The following NELL2 variants were observed in gnomAD, a reference collection of about 807,000 sequenced individuals.
NELL2 encodes protein kinase C-binding protein NELL2.
A neutral mutation model predicts 109.6 loss-of-function variants in NELL2; 41 were observed. The ratio of observed to expected loss-of-function variants is 0.37; its 90% confidence interval spans 0.29 to 0.49. The LOEUF is 0.49. Ranked by LOEUF, NELL2 falls within the 20% of genes least tolerant of loss-of-function variation. The pLI is 0.98. For synonymous variants in NELL2, 355 were observed against 344.7 expected, an observed-to-expected ratio of 1.03 and a Z score of -0.33; for missense variants, 900 against 1,008.3, an observed-to-expected ratio of 0.89 and a Z score of 1.45.
At chr12:44,804,513 T>C (rs185217884) in intron 3 of NELL2, among the ~76,000 whole-genome samples, 2,058 of 151,944 alleles carry the variant, frequency 0.014, 46 homozygotes, top group African/African-American at 0.047. Flanking sequence ...GGTAGACACT[T>C]AATCGTAACT....
intron 1 of NELL2, among the ~76,000 whole-genome samples, chr12:44,904,063 A>T (rs979759180): frequency 4.6e-5 from 7 of 151,964 alleles, no homozygotes; most frequent in South Asian, 2.1e-4. Context: ...ATTAAATTTT[A>T]AAAAAACTTA....
At position 44,727,243 on chromosome 12, in the gene NELL2, G is replaced by A. The variant is rs558002736; in HGVS notation, c.995-12502C>T. Reference sequence around the variant, plus strand: ...ACAAACTAAATCAAAATCTCTAGGAGAGGGACCTAGGAAATCAGTATCTTT... The same window carrying A: ...ACAAACTAAATCAAAATCTCTAGGAAAGGGACCTAGGAAATCAGTATCTTT... On this transcript the variant is annotated intron_variant, in intron 9 of 19. Coordinates refer to ENST00000429094, the MANE Select transcript of NELL2 (RefSeq NM_001145108.2). 7.2e-5 allele frequency among the ~76,000 whole-genome samples: 11 copies of A among 152,196 alleles called. No homozygotes were observed. The South Asian group carries it at 1.7e-3, about 23-fold the overall frequency.
intron 15 of NELL2, among the ~76,000 whole-genome samples, chr12:44,562,966 C>T (rs1340616726): frequency 6.6e-6 from 1 of 152,170 alleles, no homozygotes; most frequent in Non-Finnish European, 1.5e-5. Flanking sequence ...CACATATATA[C>T]CACTGAATAC....
intron 1 of NELL2, among the ~76,000 whole-genome samples, chr12:44,899,254 A>G (rs775966769): frequency 1.3e-5 from 2 of 152,178 alleles, no homozygotes; most frequent in Non-Finnish European, 2.9e-5. Flanking sequence ...AATTCAGGAA[A>G]TACAGAGAAC....
At chr12:44,517,417 C>A (rs1435772775) in intron 19 of NELL2, among the ~76,000 whole-genome samples, 1 of 128,540 alleles carries the variant, frequency 7.8e-6, no homozygotes, top group Non-Finnish European at 1.7e-5. Context: ...CTCTCTCTCT[C>A]TCTCGTTCCC....
chr12:44,659,180 C>T (rs910200458), intron 13 of NELL2, among the ~76,000 whole-genome samples: 6 of 152,268 alleles, frequency 3.9e-5, no homozygotes, highest in Admixed American at 1.3e-4. Flanking sequence ...CCCTTCCTTA[C>T]ACCTGATACA....
intron 13 of NELL2, among the ~76,000 whole-genome samples, chr12:44,644,597 T>TATATACATAC (rs1946998647): frequency 1.2e-5 from 1 of 83,206 alleles, no homozygotes; most frequent in African/African-American, 5.1e-5. Context: ...TATATATATA[T>TATATACATAC]ATATATGTAT....
rs1565861765 is a variant in NELL2 at position 44,520,047 on chromosome 12, A to G, written c.2358T>C (p.Ser786=). Residue 786 remains serine, a synonymous_variant, in exon 19 of 20, where the codon TCT becomes TCC. Coordinates refer to ENST00000429094, the MANE Select transcript of NELL2 (RefSeq NM_001145108.2). ...TACACTCAGTGCCATGTTTGATCCA[A>G]GAGGACCCGGTGAAGCGAACCACAT... ...EMNVVRFTGS[S]WIKHGTECTL... 6.2e-7 allele frequency: 1 copy of G among 1,614,188 alleles called. No homozygotes were observed. Among genetic ancestry groups the G allele is most frequent in the South Asian group, 1.1e-5 (1 of 91,084 alleles).
At chr12:44,834,000 A>G (rs1411169448) in intron 2 of NELL2, among the ~76,000 whole-genome samples, 1 of 152,312 alleles carries the variant, frequency 6.6e-6, no homozygotes, top group East Asian at 1.9e-4. Flanking sequence ...CCTTTGGTTT[A>G]TATTTCACTT....
At chr12:44,632,163 G>C (rs978349850) in intron 13 of NELL2, among the ~76,000 whole-genome samples, 8 of 151,966 alleles carry the variant, frequency 5.3e-5, no homozygotes, top group African/African-American at 1.7e-4. Flanking sequence ...GAAAGAGAAA[G>C]GAATTTCAGA....
chr12:44,834,874 C>G (rs79989708), intron 2 of NELL2, among the ~76,000 whole-genome samples: 1 of 152,100 alleles, frequency 6.6e-6, no homozygotes, highest in Non-Finnish European at 1.5e-5. Context: ...GCTGGACACG[C>G]GGGCAGTCCT....
chr12:44,837,422 G>A (rs912433001), intron 2 of NELL2, among the ~76,000 whole-genome samples: 1 of 152,132 alleles, frequency 6.6e-6, no homozygotes, highest in Non-Finnish European at 1.5e-5. Flanking sequence ...AAAACTGCCG[G>A]CAGGTTGAGA....
At chr12:44,651,652 C>G (rs903968531) in intron 13 of NELL2, among the ~76,000 whole-genome samples, 1 of 152,050 alleles carries the variant, frequency 6.6e-6, no homozygotes, top group Non-Finnish European at 1.5e-5. Context: ...ATAAAGAAGA[C>G]AAACCTTTGA....
At chr12:44,597,838 C>A (rs1475585666) in intron 15 of NELL2, among the ~76,000 whole-genome samples, 1 of 152,128 alleles carries the variant, frequency 6.6e-6, no homozygotes, top group Non-Finnish European at 1.5e-5. Flanking sequence ...GCAAAGAACA[C>A]AATGAGTGTG....
intron 3 of NELL2, among the ~76,000 whole-genome samples, chr12:44,802,592 T>C (rs2136656238): frequency 6.6e-6 from 1 of 152,216 alleles, no homozygotes; most frequent in Admixed American, 6.6e-5. Flanking sequence ...CTGAATTTCA[T>C]TCAGTATACC....
chr12:44,877,618 G>C (rs1278894582), upstream of NELL2, among the ~76,000 whole-genome samples: 1 of 152,008 alleles, frequency 6.6e-6, no homozygotes, highest in East Asian at 1.9e-4. Flanking sequence ...TTTATCTATA[G>C]ATATATAGTT....
At chr12:44,760,752 G>A (rs2136548204) in intron 9 of NELL2, among the ~76,000 whole-genome samples, 1 of 152,046 alleles carries the variant, frequency 6.6e-6, no homozygotes, top group East Asian at 1.9e-4. Flanking sequence ...ATAAATCCCA[G>A]GTTGTTTAAA....
intron 1 of NELL2, among the ~76,000 whole-genome samples, chr12:44,900,031 G>T (rs1346396670): frequency 6.6e-6 from 1 of 152,136 alleles, no homozygotes; most frequent in African/African-American, 2.4e-5. Context: ...TTACATAATG[G>T]TAAAGGAATC....
intron 12 of NELL2, among the ~76,000 whole-genome samples, chr12:44,694,249 T>C (rs772631729): frequency 2.0e-5 from 3 of 152,130 alleles, no homozygotes; most frequent in Admixed American, 6.6e-5. Context: ...AAGACTTGAA[T>C]AGAACAAAAA....
Sources: allele counts gnomAD v4.1 joint callset (sites outside exome capture counted in the v4.1 genomes callset), GRCh38; gene constraint gnomAD v4.1.1; transcripts MANE v1.5; gene names NCBI Gene and HGNC (gene_info 2026-07-23, HGNC 2026-07-21).